The following SLC12A3 variants were observed in gnomAD, a reference collection of about 807,000 sequenced individuals.
The protein encoded by SLC12A3 is Na-Cl cotransporter.
Under a neutral mutation model 121.0 loss-of-function variants are expected in SLC12A3, and 104 were observed. The ratio of observed to expected loss-of-function variants is 0.86; its 90% CI spans 0.73 to 1.01. The LOEUF is 1.01. Ranked by LOEUF, SLC12A3 falls within the 50% of genes least tolerant of loss-of-function variation. The pLI is 0.00. For synonymous variants in SLC12A3, 536 were observed against 533.4 expected, an observed-to-expected ratio of 1.00 and a Z score of -0.07; for missense variants, 1,328 against 1,356.3, an observed-to-expected ratio of 0.98 and a Z score of 0.33.
chr16:56,906,638 A>T, intron 25 of SLC12A3: 1 of 396,618 alleles, frequency 2.5e-6, no homozygotes, highest in Non-Finnish European at 4.6e-6. Flanking sequence ...AGGCAACAGT[A>T]CCTAAGATAG....
intron 6 of SLC12A3, among the ~76,000 whole-genome samples, chr16:56,871,008 T>A (rs1471605086): frequency 6.6e-6 from 1 of 152,088 alleles, no homozygotes; most frequent in Non-Finnish European, 1.5e-5. Flanking sequence ...CTAATTTTTA[T>A]ATTGTTTGTA....
intron 18 of SLC12A3, among the ~76,000 whole-genome samples, chr16:56,889,582 T>C (rs1464715005): frequency 6.6e-6 from 1 of 152,182 alleles, no homozygotes; most frequent in East Asian, 1.9e-4. Context: ...GTTCAAGCAA[T>C]TCTCCCTCAG....
chr16:56,880,330 C>T, intron 12 of SLC12A3, 77 bp downstream of exon 12: 2 of 1,502,196 alleles, frequency 1.3e-6, no homozygotes, highest in East Asian at 2.5e-5. Context: ...GGGCCGGGCT[C>T]TTCTCCTGTC....
intron 9 of SLC12A3, among the ~76,000 whole-genome samples, chr16:56,878,364 T>C (rs1446625344): frequency 1.3e-5 from 2 of 152,104 alleles, no homozygotes; most frequent in African/African-American, 4.8e-5. Flanking sequence ...GATCAGAGCA[T>C]CTTCATGGCA....
rs1441196299 is a variant in SLC12A3, at chr16:56,886,398, T to C, written c.1960T>C (p.Phe654Leu). The C allele has an allele frequency of 1.2e-6, 2 of 1,614,042 alleles. No individual in the cohort carries two copies. The highest frequency in any genetic ancestry group is 2.2e-5 in the South Asian group (2 of 91,082). Residue 654 changes from phenylalanine to leucine, a missense_variant, in exon 16 of 26, where the codon TTC becomes CTC. Coordinates refer to ENST00000563236, the MANE Select transcript of SLC12A3 (RefSeq NM_001126108.2). ...QCLVLTGPPN[F>L]RPALVDFVGT... ...CCTGGTGCTCACGGGGCCCCCCAACTTCCGCCCGGCCCTGGTGGACTTTGT... is the reference window on the plus strand; with the variant it reads ...CCTGGTGCTCACGGGGCCCCCCAACCTCCGCCCGGCCCTGGTGGACTTTGT...
intron 12 of SLC12A3, among the ~76,000 whole-genome samples, chr16:56,882,010 C>T (rs59038891): frequency 2.7e-5 from 4 of 150,544 alleles, no homozygotes; most frequent in African/African-American, 9.8e-5. Flanking sequence ...GATCACGCCA[C>T]TGCACTCCAG....
chr16:56,899,310 G>A (rs995868352), intron 22 of SLC12A3, among the ~76,000 whole-genome samples: 2 of 152,136 alleles, frequency 1.3e-5, no homozygotes, highest in African/African-American at 2.4e-5. Context: ...CCAACATGAC[G>A]AAACCCTGTC....
chr16:56,908,996 G>A (rs1411974947), intron 25 of SLC12A3, among the ~76,000 whole-genome samples: 2 of 152,168 alleles, frequency 1.3e-5, no homozygotes, highest in Non-Finnish European at 2.9e-5. Flanking sequence ...CCCACTGTGT[G>A]GCCTTGGGTA....
chr16:56,871,117 G>A (rs906303474), intron 6 of SLC12A3, among the ~76,000 whole-genome samples: 5 of 152,192 alleles, frequency 3.3e-5, no homozygotes, highest in Non-Finnish European at 5.9e-5. Context: ...TTACAGGTGT[G>A]AGCCACTGTG....
intron 12 of SLC12A3, 117 bp from the exon 13 acceptor site, chr16:56,882,279 G>GTC (rs2055251081): frequency 2.5e-6 from 2 of 806,364 alleles, no homozygotes; most frequent in East Asian, 4.9e-5. Context: ...AGAAGGTTGA[G>GTC]ACTGACTGAG....
At chr16:56,891,730 C>T (rs564433128) in intron 19 of SLC12A3, among the ~76,000 whole-genome samples, 31 of 152,278 alleles carry the variant, frequency 2.0e-4, no homozygotes, top group African/African-American at 6.5e-4. Context: ...CTGGAGAAAA[C>T]GGGTGCAGGG....
intron 14 of SLC12A3, 112 bp from the exon 15 acceptor site, chr16:56,885,153 G>C (rs997809599): frequency 1.6e-5 from 12 of 754,152 alleles, no homozygotes; most frequent in Non-Finnish European, 2.6e-5. Context: ...CTGCTCCCAC[G>C]GGTGCCCGGT....
At chr16:56,893,730 A>G (rs1401110625) in intron 21 of SLC12A3, among the ~76,000 whole-genome samples, 2 of 152,214 alleles carry the variant, frequency 1.3e-5, no homozygotes, top group African/African-American at 2.4e-5. Flanking sequence ...AGAACTGCCA[A>G]TGACCTCGAT....
intron 6 of SLC12A3, among the ~76,000 whole-genome samples, chr16:56,871,997 A>T (rs2055103454): frequency 6.6e-6 from 1 of 150,684 alleles, no homozygotes; most frequent in Non-Finnish European, 1.5e-5. Flanking sequence ...TGCTGAGATT[A>T]CAGGTTTGAG....
rs28567490 is a variant in SLC12A3 at position 56,869,440 on chromosome 16, G to A, written c.506-289G>A. Among the ~76,000 whole-genome samples, 12,445 of 152,174 alleles carry A rather than the reference G, an allele frequency of 0.082. 619 individuals are homozygous for A. The highest frequency in any genetic ancestry group is 0.13 in the African/African-American group (5,481 of 41,502). ...CCTCCTGGGTTCAAGCGATTCTCCT[G>A]CCTCAGCCTCCTAAGTAGCTGGGAT... On this transcript the variant is annotated intron_variant, in intron 3 of 25. Coordinates refer to ENST00000563236, the MANE Select transcript of SLC12A3 (RefSeq NM_001126108.2).
At chr16:56,870,534 C>A in intron 5 of SLC12A3, 92 bp from the exon 6 acceptor site, 1 of 887,762 alleles carries the variant, frequency 1.1e-6, no homozygotes, top group Non-Finnish European at 1.9e-6. Flanking sequence ...TAGCAGAGTG[C>A]ACCGCACAGG....
chr16:56,890,828 G>C (rs985512022), intron 19 of SLC12A3, among the ~76,000 whole-genome samples: 4 of 151,658 alleles, frequency 2.6e-5, no homozygotes, highest in Non-Finnish European at 5.9e-5. Flanking sequence ...CTTGAACCCA[G>C]GAGGTGGATG....
At chr16:56,898,404 A>G (rs921543011) in intron 22 of SLC12A3, among the ~76,000 whole-genome samples, 2 of 152,008 alleles carry the variant, frequency 1.3e-5, no homozygotes, top group Admixed American at 6.6e-5. Flanking sequence ...GACTACAGGC[A>G]CCTGCTACCA....
At chr16:56,898,383 C>T (rs1484104228) in intron 22 of SLC12A3, among the ~76,000 whole-genome samples, 2 of 152,086 alleles carry the variant, frequency 1.3e-5, no homozygotes, top group Non-Finnish European at 2.9e-5. Context: ...CTCAGCCTCC[C>T]GAGTAGCTGG....
Sources: gnomAD v4.1 joint callset for allele counts (sites outside exome capture counted in the v4.1 genomes callset) on GRCh38, gnomAD v4.1.1 for gene constraint, MANE v1.5 for transcripts, NCBI Gene and HGNC (gene_info 2026-07-23, HGNC 2026-07-21) for gene names.